MYO1D: variants seen among roughly 807,000 people sequenced by gnomAD.
MYO1D encodes myosin ID, also known as unconventional myosin-Id.
A neutral mutation model predicts 122.0 loss-of-function variants in MYO1D; 83 were observed. The ratio of observed to expected loss-of-function variants is 0.68; its 90% confidence interval spans 0.57 to 0.82. MYO1D has a LOEUF of 0.82. Among genes scored for constraint, MYO1D ranks in the 40% least tolerant of loss-of-function variants. The pLI is 0.00. For synonymous variants in MYO1D, 464 were observed against 446.9 expected (o/e 1.04, Z -0.48); for missense variants, 1,157 against 1,269.5 (o/e 0.91, Z 1.35).
chr17:32,784,900 G>C (rs992554578), intron 1 of MYO1D, among the ~76,000 whole-genome samples: 2 of 152,216 alleles, frequency 1.3e-5, no homozygotes, highest in Non-Finnish European at 1.5e-5. Context: ...GGAATGCTGG[G>C]GAACAGTTGG....
In MYO1D at chr17:32,494,706, G is replaced by A; in HGVS notation, c.*53C>T. On this transcript the variant is annotated 3_prime_UTR_variant, in exon 22 of 22. Transcript: ENST00000318217. ...TGGGTTGGGAGGCAGCAGCTGGACTGGGACCCAGGACTCGGAGTGTGGCCG... is the reference window on the plus strand; with the variant it reads ...TGGGTTGGGAGGCAGCAGCTGGACTAGGACCCAGGACTCGGAGTGTGGCCG... 1.3e-6 allele frequency: 2 copies of A among 1,524,370 alleles called. No homozygotes were observed. Among genetic ancestry groups the A allele is most frequent in the South Asian group, 1.3e-5 (1 of 79,550 alleles). 94.4% of individuals were successfully genotyped at this position (1,524,370 alleles called of 1,614,324 possible). A position where few individuals can be genotyped will look rare whatever the true frequency, so the allele number is the denominator to read the frequency against.
Position 32,712,210 on chromosome 17 carries a change from G to C in MYO1D, c.1914-15C>G, listed in dbSNP as rs200557666. ...TCATCTTATACCTGGATGAAAAAAA[G>C]AAACAGGGTTAAGGGAGAAAACCAT... On this transcript the variant is annotated splice_polypyrimidine_tract_variant and intron_variant, in intron 15 of 21. Coordinates refer to ENST00000318217, the MANE Select transcript of MYO1D (RefSeq NM_015194.3). 6.9e-6 allele frequency: 11 copies of C among 1,600,422 alleles called. No homozygotes were observed. Among genetic ancestry groups the C allele is most frequent in the East Asian group, 4.5e-5 (2 of 44,790 alleles).
At chr17:32,683,468 A>G (rs1419243325) in intron 16 of MYO1D, among the ~76,000 whole-genome samples, 2 of 152,178 alleles carry the variant, frequency 1.3e-5, no homozygotes, top group African/African-American at 4.8e-5. Flanking sequence ...TCCTTCTAAC[A>G]GACAGGACCC....
chr17:32,837,220 T>C (rs2090834996), intron 1 of MYO1D, among the ~76,000 whole-genome samples: 1 of 151,782 alleles, frequency 6.6e-6, no homozygotes, highest in Non-Finnish European at 1.5e-5. Flanking sequence ...TTATTGATCA[T>C]TTGGTTATCT....
chr17:32,527,558 T>A (rs1910380208), intron 21 of MYO1D, among the ~76,000 whole-genome samples: 1 of 152,176 alleles, frequency 6.6e-6, no homozygotes, highest in Non-Finnish European at 1.5e-5. Flanking sequence ...TTTGGAAGGC[T>A]GAGATGGGAG....
intron 16 of MYO1D, among the ~76,000 whole-genome samples, chr17:32,683,592 A>G (rs1598005173): frequency 4.0e-5 from 6 of 151,844 alleles, no homozygotes; most frequent in Admixed American, 3.9e-4. Context: ...CCACTTGAGG[A>G]GGCAGTCTGC....
intron 14 of MYO1D, among the ~76,000 whole-genome samples, chr17:32,721,713 C>T (rs2089514063): frequency 6.6e-6 from 1 of 152,174 alleles, no homozygotes; most frequent in Admixed American, 6.5e-5. Context: ...AGAGATTAAA[C>T]TTCACGGGTA....
intron 21 of MYO1D, chr17:32,531,130 T>TG (rs1274651877): frequency 6.6e-6 from 1 of 152,342 alleles, no homozygotes. Context: ...CTCCATGCCT[T>TG]GGCCTGGGTA....
intron 20 of MYO1D, among the ~76,000 whole-genome samples, chr17:32,623,560 T>C (rs1403589388): frequency 6.6e-6 from 1 of 152,196 alleles, no homozygotes; most frequent in Non-Finnish European, 1.5e-5. Context: ...GGAAAATCTT[T>C]TGATGAGACT....
At chr17:32,603,256 C>A (rs1171583411) in intron 21 of MYO1D, among the ~76,000 whole-genome samples, 1 of 152,130 alleles carries the variant, frequency 6.6e-6, no homozygotes, top group African/African-American at 2.4e-5. Flanking sequence ...CATCCAGGTT[C>A]ACGTATTTCT....
At chr17:32,676,884 C>T (rs1039851997) in intron 16 of MYO1D, among the ~76,000 whole-genome samples, 3 of 151,450 alleles carry the variant, frequency 2.0e-5, no homozygotes, top group Non-Finnish European at 2.9e-5. Flanking sequence ...TATCTTGGCT[C>T]ACTGCAAGCT....
chr17:32,864,277 C>T (rs1015047581), intron 1 of MYO1D, among the ~76,000 whole-genome samples: 5 of 151,570 alleles, frequency 3.3e-5, no homozygotes, highest in African/African-American at 7.3e-5. Flanking sequence ...ACCCAGGACA[C>T]GACAGATTAC....
chr17:32,707,674 G>A (rs1465783065), intron 16 of MYO1D, among the ~76,000 whole-genome samples: 3 of 152,180 alleles, frequency 2.0e-5, no homozygotes, highest in Non-Finnish European at 2.9e-5. Flanking sequence ...AGCTCCCTAC[G>A]TTGATACAAA....
intron 21 of MYO1D, among the ~76,000 whole-genome samples, chr17:32,513,353 G>A (rs868271997): frequency 1.3e-5 from 2 of 152,172 alleles, no homozygotes; most frequent in Non-Finnish European, 2.9e-5. Context: ...AGAACGTGGC[G>A]ACTGGCTGAA....
intron 21 of MYO1D, among the ~76,000 whole-genome samples, chr17:32,512,251 G>T (rs1285516017): frequency 6.6e-6 from 1 of 151,506 alleles, no homozygotes; most frequent in Non-Finnish European, 1.5e-5. Flanking sequence ...AGTGAGCAGA[G>T]ATGGCGCCAC....
chr17:32,772,039 T>G (rs1198723820), intron 5 of MYO1D, among the ~76,000 whole-genome samples: 1 of 152,212 alleles, frequency 6.6e-6, no homozygotes, highest in Non-Finnish European at 1.5e-5. Flanking sequence ...TATATACAAA[T>G]GAGTAGTGTC....
At chr17:32,860,143 T>TGCAAC (rs2091057606) in intron 1 of MYO1D, among the ~76,000 whole-genome samples, 1 of 152,162 alleles carries the variant, frequency 6.6e-6, no homozygotes, top group Non-Finnish European at 1.5e-5. Context: ...ACAGAACTGT[T>TGCAAC]GCAACGACCT....
At chr17:32,696,396 C>T (rs527923355) in intron 16 of MYO1D, among the ~76,000 whole-genome samples, 4 of 152,042 alleles carry the variant, frequency 2.6e-5, no homozygotes, top group African/African-American at 4.8e-5. Context: ...TTGCAGAAGA[C>T]TATGGACAGT....
intron 21 of MYO1D, among the ~76,000 whole-genome samples, chr17:32,555,411 A>G (rs2087059547): frequency 1.3e-5 from 2 of 152,182 alleles, no homozygotes; most frequent in Admixed American, 1.3e-4. Flanking sequence ...CAAAGAAGAT[A>G]TAAAAATGTG....
Sources: allele counts gnomAD v4.1 joint callset (sites outside exome capture counted in the v4.1 genomes callset), GRCh38; gene constraint gnomAD v4.1.1; transcripts MANE v1.5; gene names NCBI Gene and HGNC (gene_info 2026-07-23, HGNC 2026-07-21).